The following DNAH6 variants were observed in gnomAD, a reference collection of about 807,000 sequenced individuals.
The protein encoded by DNAH6 is dynein axonemal heavy chain 6.
In DNAH6, 340 loss-of-function variants were observed where a neutral mutation model predicts 491.4. That is an observed-to-expected ratio of 0.69 (90% CI 0.63 to 0.76). The LOEUF (loss-of-function observed/expected upper bound fraction) is 0.76. Ranked by LOEUF, DNAH6 falls within the 30% of genes least tolerant of loss-of-function variation. The pLI is 0.00. For synonymous variants in DNAH6, 1,603 were observed against 1,686.1 expected (o/e 0.95, Z 1.21); for missense variants, 4,443 against 4,972.2 (o/e 0.89, Z 3.20).
chr2:84,738,104 C>T (rs1362163876), intron 62 of DNAH6, among the ~76,000 whole-genome samples: 3 of 152,012 alleles, frequency 2.0e-5, no homozygotes, highest in Non-Finnish European at 4.4e-5. Context: ...TCATTGTTTA[C>T]CCAAAAGTCA....
chr2:84,587,051 C>A (rs1683623337), intron 15 of DNAH6, among the ~76,000 whole-genome samples: 1 of 151,978 alleles, frequency 6.6e-6, no homozygotes, highest in African/African-American at 2.4e-5. Flanking sequence ...ATTTTGTCAC[C>A]CAGATACAAG....
At chr2:84,647,713 A>G (rs1690033609) in intron 33 of DNAH6, among the ~76,000 whole-genome samples, 1 of 152,232 alleles carries the variant, frequency 6.6e-6, no homozygotes. Flanking sequence ...TTGTGGCTGC[A>G]GAATTTAACC....
intron 4 of DNAH6, among the ~76,000 whole-genome samples, chr2:84,543,963 A>G (rs191597702): frequency 6.6e-5 from 10 of 152,268 alleles, no homozygotes; most frequent in African/African-American, 9.6e-5. Flanking sequence ...ATTAATTTAT[A>G]GTCAATTCAT....
intron 35 of DNAH6, among the ~76,000 whole-genome samples, chr2:84,657,814 T>G (rs2104585942): frequency 6.6e-6 from 1 of 152,154 alleles, no homozygotes; most frequent in Non-Finnish European, 1.5e-5. Flanking sequence ...TTATTTCCTT[T>G]TATTGTCCTA....
intron 10 of DNAH6, among the ~76,000 whole-genome samples, chr2:84,556,813 A>G (rs1303183823): frequency 1.3e-5 from 2 of 152,052 alleles, no homozygotes; most frequent in Non-Finnish European, 2.9e-5. Context: ...TATCCTGCTC[A>G]CTCTCTTTTA....
Position 84,604,385 on chromosome 2 carries a change from A to G in DNAH6, c.2915A>G (p.His972Arg). The G allele has an allele frequency of 1.9e-6, 3 of 1,552,252 alleles. No homozygotes were observed. The highest frequency in any genetic ancestry group is 2.6e-6 in the Non-Finnish European group (3 of 1,147,080). ...AGGAACCCGACTTTGAAGGCAAGAC[A>G]TTGGGCAGCTATTGAACAAACAGTT... ...DLRNPTLKAR[H>R]WAAIEQTVDA... Residue 972 changes from histidine to arginine, a missense_variant, in exon 19 of 77, where the codon CAT (histidine) becomes CGT (arginine). Around this residue, in one of 3 missense-constraint regions of DNAH6, gnomAD observed 2,977 missense variants for 3,296.6 expected, o/e 0.90. Coordinates refer to ENST00000389394, the MANE Select transcript of DNAH6 (RefSeq NM_001370.2).
chr2:84,615,612 T>C (rs1377683825), intron 22 of DNAH6, among the ~76,000 whole-genome samples: 1 of 152,174 alleles, frequency 6.6e-6, no homozygotes, highest in Non-Finnish European at 1.5e-5. Context: ...ATTGAGTTTA[T>C]AGATTGCTTA....
chr2:84,604,112 G>A (rs1175791460), intron 18 of DNAH6, among the ~76,000 whole-genome samples: 1 of 152,102 alleles, frequency 6.6e-6, no homozygotes, highest in Non-Finnish European at 1.5e-5. Flanking sequence ...GAAACCTGTC[G>A]GTATCAATCT....
At chr2:84,600,546 AC>A (rs1160324178) in intron 18 of DNAH6, among the ~76,000 whole-genome samples, 1 of 152,112 alleles carries the variant, frequency 6.6e-6, no homozygotes, top group Non-Finnish European at 1.5e-5. Flanking sequence ...GTTTTTTATG[AC>A]CTTGATCATT....
chr2:84,513,458 C>A (rs1675410492), upstream of DNAH6, among the ~76,000 whole-genome samples: 1 of 152,086 alleles, frequency 6.6e-6, no homozygotes, highest in East Asian at 1.9e-4. Flanking sequence ...GAAGGATGGA[C>A]TTTTAGAGTT....
rs531305110 is a variant in DNAH6, at chr2:84,746,926, G to A, written c.10512+1677G>A. ...AAAGAGGGGAGGGAGACACCAGACT[G>A]TTTTAAACGTCTATCTCTTATGTGA... On this transcript the variant is annotated intron_variant, in intron 63 of 76. Transcript: ENST00000389394. 1.3e-3 allele frequency among the ~76,000 whole-genome samples: 194 copies of A among 152,172 alleles called. 1 individual carries two copies. Among genetic ancestry groups the A allele is most frequent in the African/African-American group, 4.5e-3 (187 of 41,516 alleles).
At chr2:84,684,552 A>G (rs1005598932) in intron 42 of DNAH6, among the ~76,000 whole-genome samples, 3 of 152,194 alleles carry the variant, frequency 2.0e-5, no homozygotes, top group Non-Finnish European at 4.4e-5. Flanking sequence ...ACAAACACCA[A>G]TGTGAGATGC....
intron 21 of DNAH6, among the ~76,000 whole-genome samples, chr2:84,609,340 A>C (rs1686088874): frequency 6.6e-6 from 1 of 152,136 alleles, no homozygotes; most frequent in East Asian, 1.9e-4. Context: ...GGCTTTTGAC[A>C]TGCCTTCTTA....
chr2:84,521,153 A>T, intron 2 of DNAH6, among the ~76,000 whole-genome samples: 1 of 151,698 alleles, frequency 6.6e-6, no homozygotes, highest in African/African-American at 2.4e-5. Context: ...TTAATTTTTC[A>T]GTAATAGCCA....
At chr2:84,719,865 C>G (rs1278273754) in intron 59 of DNAH6, among the ~76,000 whole-genome samples, 1 of 139,118 alleles carries the variant, frequency 7.2e-6, no homozygotes, top group Non-Finnish European at 1.5e-5. Context: ...TTATCTGTAC[C>G]TCTAACACAC....
intron 14 of DNAH6, among the ~76,000 whole-genome samples, chr2:84,583,030 C>T (rs1347344866): frequency 6.6e-6 from 1 of 152,224 alleles, no homozygotes; most frequent in Non-Finnish European, 1.5e-5. Context: ...CCTCTATAAC[C>T]ATGTGGCAGA....
At chr2:84,773,860 G>A (rs1253463692) in intron 64 of DNAH6, among the ~76,000 whole-genome samples, 4 of 151,968 alleles carry the variant, frequency 2.6e-5, no homozygotes, top group African/African-American at 7.2e-5. Context: ...ATTTTTATAT[G>A]TTTTTGGACG....
chr2:84,729,442 GC>G (rs1698943527), intron 61 of DNAH6, among the ~76,000 whole-genome samples: 1 of 152,030 alleles, frequency 6.6e-6, no homozygotes, highest in African/African-American at 2.4e-5. Context: ...GTGTGTTTTC[GC>G]CCTTCCTTCC....
Position 84,713,111 on chromosome 2 carries a change from A to C in DNAH6, c.9395A>C (p.Asp3132Ala), listed in dbSNP as rs1470294804. The change falls in exon 57 of 77, where the codon GAT becomes GCT. Residue 3132 changes from aspartate to alanine, a missense_variant. Coordinates refer to ENST00000389394, the MANE Select transcript of DNAH6 (RefSeq NM_001370.2). Reference sequence around the variant, plus strand: ...ATTTCTAAGCTTAAGGAAACCTTGGATCCAGCTCTAGAACCCATTCTTTTG... The same window carrying C: ...ATTTCTAAGCTTAAGGAAACCTTGGCTCCAGCTCTAGAACCCATTCTTTTG... ...VLLEELKETL[D>A]PALEPILLKQ... 1.3e-6 allele frequency: 2 copies of C among 1,550,994 alleles called. No homozygotes were observed. The highest frequency in any genetic ancestry group is 1.7e-6 in the Non-Finnish European group (2 of 1,146,674).
Sources: gnomAD v4.1 joint callset for allele counts (sites outside exome capture counted in the v4.1 genomes callset) on GRCh38, gnomAD v4.1.1 for gene constraint, gnomAD v4.1.1 regional missense constraint, MANE v1.5 for transcripts, NCBI Gene and HGNC (gene_info 2026-07-23, HGNC 2026-07-21) for gene names.